The following DNASE1L2 variants were observed in gnomAD, a reference collection of about 807,000 sequenced individuals.
The protein encoded by DNASE1L2 is deoxyribonuclease-1-like 2.
A neutral mutation model predicts 31.8 loss-of-function variants in DNASE1L2; 35 were observed. That is an observed-to-expected ratio of 1.10 (90% CI 0.84 to 1.46). The LOEUF is 1.46. Among genes scored for constraint, DNASE1L2 ranks in the 40% most tolerant of loss-of-function variants. DNASE1L2 has a pLI of 0.00. For missense variants in DNASE1L2, 504 were observed against 418.8 expected (o/e 1.20, Z -1.77); for synonymous variants, 211 against 186.5 (o/e 1.13, Z -1.07).
At position 2,236,868 on chromosome 16, in the gene DNASE1L2, G is replaced by C; in HGVS notation, c.52G>C (p.Gly18Arg). The C allele has an allele frequency of 3.1e-6, 5 of 1,598,272 alleles. No individual in the cohort carries two copies. Among genetic ancestry groups the C allele is most frequent in the South Asian group, 1.1e-5 (1 of 89,120 alleles). The stretch of plus-strand genomic sequence containing the variant: ...CGCACTCTGGGCGCTGGAAGCCGCC[G>C]GGACCGCCGCGCTTCGCATCGGAGC... ...LAALWALEAA[G>R]TAALRIGAFN... The change falls in exon 2 of 7, where the codon GGG (glycine) becomes CGG (arginine). Residue 18 changes from glycine to arginine, a missense_variant. By Grantham distance (125) the Gly-to-Arg change is moderately radical (BLOSUM62 -2). Transcript: ENST00000320700.
rs200934792 is a variant in DNASE1L2, at chr16:2,237,264, C to T, written c.280C>T (p.Arg94Trp). Residue 94 changes from arginine to tryptophan, a missense_variant, in exon 4 of 7, where the codon CGG becomes TGG. Physicochemically the swap from Arg to Trp is moderately radical, Grantham distance 101 (BLOSUM62 -3). Coordinates refer to ENST00000320700, the MANE Select transcript of DNASE1L2 (RefSeq NM_001374.3). ...YSFVSSQPLG[R>W]DQYKEMYLFV... ...CTTTGTGAGCAGCCAGCCCCTGGGCCGGGACCAGTACAAGGAGATGTACCT... is the reference window on the plus strand; with the variant it reads ...CTTTGTGAGCAGCCAGCCCCTGGGCTGGGACCAGTACAAGGAGATGTACCT... The T allele has an allele frequency of 1.6e-3, 2,578 of 1,588,632 alleles. 4 individuals are homozygous for T. Among genetic ancestry groups the T allele is most frequent in the Non-Finnish European group, 2.0e-3 (2,359 of 1,168,600 alleles).
In DNASE1L2 at chr16:2,237,514, G is replaced by A; in HGVS notation, c.456G>A (p.Leu152=). Residue 152 remains leucine (L), a synonymous_variant, in exon 5 of 7, where the codon CTG becomes CTA. Transcript: ENST00000320700. ...CGCCCCTCCCCTCCCGCCGAGCTCT[G>A]ACGCCCCCACCCCTTCCCGCAGCAG... is the stretch of plus-strand genomic sequence containing the variant. ...RAPPLPSRRA[L]TPPPLPAAAQ... is the part of the protein sequence containing the mutation. The A allele has an allele frequency of 6.6e-7, 1 of 1,525,434 alleles. No individual in the cohort carries two copies. Among genetic ancestry groups the A allele is most frequent in the Non-Finnish European group, 8.9e-7 (1 of 1,126,860 alleles). The allele number at this position is 1,525,434 out of a possible 1,614,324, so 94.5% of individuals were successfully genotyped here.
intron 4 of DNASE1L2, 27 bp from the exon 5 acceptor site, chr16:2,237,349 G>C: frequency 6.3e-7 from 1 of 1,597,344 alleles, no homozygotes; most frequent in Non-Finnish European, 8.5e-7. Flanking sequence ...CAGGTCGGGG[G>C]CTCAGCGGGT....
Position 2,237,697 on chromosome 16 carries a change from G to T in DNASE1L2, c.591+48G>T, listed in dbSNP as rs754038870. Reference sequence around the variant, plus strand: ...GGGTCCCTGCAGGCGCGCCCCGGGGGTCTGGTTCATGAGGGCGGGACCTCG... The same window carrying T: ...GGGTCCCTGCAGGCGCGCCCCGGGGTTCTGGTTCATGAGGGCGGGACCTCG... On this transcript the variant is annotated intron_variant, in intron 5 of 6. Transcript: ENST00000320700. The T allele has an allele frequency of 3.8e-6, 6 of 1,590,812 alleles. No individual in the cohort carries two copies. In the African/African-American group the frequency reaches 4.0e-5, roughly 11 times the overall value.
chr16:2,236,849 C>T lies in DNASE1L2; in HGVS notation c.33C>T (p.Leu11=), dbSNP rs2141485035. ...GGCCCCGGGCTCTGCTGGCCGCACT[C>T]TGGGCGCTGGAAGCCGCCGGGACCG... is the stretch of plus-strand genomic sequence containing the variant. The part of the protein sequence containing the change: MGGPRALLAA[L]WALEAAGTAA... Residue 11 remains leucine (L), a synonymous_variant, in exon 2 of 7, where the codon CTC becomes CTT. Transcript: ENST00000320700. 1.9e-6 allele frequency: 3 copies of T among 1,599,366 alleles called. No individual in the cohort carries two copies. The highest frequency in any genetic ancestry group is 1.7e-4 in the Middle Eastern group (1 of 5,906).
In DNASE1L2 at chr16:2,237,919, C is replaced by T; in HGVS notation, c.744C>T (p.Asp248=). Reference sequence around the variant, plus strand: ...TGGGCAACTCAGACTGCGCCTACGACCGCATTGTGGCCTGTGGCGCCCGCC... The same window carrying T: ...TGGGCAACTCAGACTGCGCCTACGATCGCATTGTGGCCTGTGGCGCCCGCC... ...TTVGNSDCAY[D]RIVACGARLR... Residue 248 remains aspartate, a synonymous_variant, in exon 6 of 7, where the codon GAC becomes GAT. Transcript: ENST00000320700. 6.2e-7 allele frequency: 1 copy of T among 1,611,712 alleles called. No homozygotes were observed. Among genetic ancestry groups the T allele is most frequent in the South Asian group, 1.1e-5 (1 of 90,990 alleles).
At position 2,237,951 on chromosome 16, in the gene DNASE1L2, G is replaced by A. The variant is rs1189018178; in HGVS notation, c.776G>A (p.Arg259Gln). Residue 259 changes from arginine (R) to glutamine (Q), a missense_variant, in exon 6 of 7, where the codon CGG becomes CAG. Coordinates refer to ENST00000320700, the MANE Select transcript of DNASE1L2 (RefSeq NM_001374.3). The part of the protein sequence containing the change: ...RIVACGARLR[R>Q]SLKPQSATVH... ...GTGGCCTGTGGCGCCCGCCTGCGCC[G>A]GAGCCTGAAGCCCCAGTCGGCCACC... 6 of 1,610,424 alleles carry A rather than the reference G, an allele frequency of 3.7e-6. No homozygotes were observed. The highest frequency in any genetic ancestry group is 1.1e-5 in the South Asian group (1 of 90,766).
chr16:2,237,803 AGCTAT>A lies in DNASE1L2; in HGVS notation c.630_634del (p.Tyr211AlafsTer14). 3.1e-6 allele frequency: 5 copies of A among 1,610,266 alleles called. No individual in the cohort carries two copies. Among genetic ancestry groups the A allele is most frequent in the Non-Finnish European group, 4.2e-6 (5 of 1,178,868 alleles). On this transcript the variant is annotated frameshift_variant, in exon 6 of 7. Coordinates refer to ENST00000320700, the MANE Select transcript of DNASE1L2 (RefSeq NM_001374.3). LOFTEE classifies it high-confidence loss of function. ...CCTGGGCGACTTCAACGCCGACTGC[AGCTAT>A]GTGCGGGCGCAGGACTGGGCCGCCA... is the stretch of plus-strand genomic sequence containing the variant.
At position 2,237,636 on chromosome 16, in the gene DNASE1L2, A is replaced by T. The variant is rs2093516295; in HGVS notation, c.578A>T (p.Lys193Met). The T allele has an allele frequency of 6.2e-7, 1 of 1,604,246 alleles. No individual in the cohort carries two copies. The highest frequency in any genetic ancestry group is 1.1e-5 in the South Asian group (1 of 90,480). ...LYDVYLDVID[K>M]WGTDDMLFLG... ...GACGTGTACCTGGACGTGATCGACA[A>T]GTGGGGCACCGACGTAAGCCCACCC... The change falls in exon 5 of 7, where the codon AAG (lysine) becomes ATG (methionine). Residue 193 changes from lysine (K) to methionine (M), a missense_variant. Transcript: ENST00000320700.
At chr16:2,238,292 G>T in intron 6 of DNASE1L2, 70 bp from the exon 7 acceptor site, 1 of 1,598,126 alleles carries the variant, frequency 6.3e-7, no homozygotes, top group Non-Finnish European at 8.6e-7. Flanking sequence ...GGGCACCCAG[G>T]CCTCACCGGC....
chr16:2,238,304 C>G, intron 6 of DNASE1L2, 58 bp from the exon 7 acceptor site: 2 of 1,607,140 alleles, frequency 1.2e-6, no homozygotes, highest in East Asian at 4.5e-5. Flanking sequence ...CTCACCGGCC[C>G]CTCCCATCCC....
At position 2,236,844 on chromosome 16, in the gene DNASE1L2, G is replaced by T; in HGVS notation, c.28G>T (p.Ala10Ser). 8 of 1,598,190 alleles carry T rather than the reference G, an allele frequency of 5.0e-6. No individual in the cohort carries two copies. Among genetic ancestry groups the T allele is most frequent in the Non-Finnish European group, 6.8e-6 (8 of 1,174,144 alleles). Residue 10 changes from alanine to serine, a missense_variant, in exon 2 of 7, where the codon GCA (alanine) becomes TCA (serine). By Grantham distance (99) the Ala-to-Ser change is moderately conservative (BLOSUM62 1). Coordinates refer to ENST00000320700, the MANE Select transcript of DNASE1L2 (RefSeq NM_001374.3). Reference sequence around the variant, plus strand: ...GGGCGGGCCCCGGGCTCTGCTGGCCGCACTCTGGGCGCTGGAAGCCGCCGG... The same window carrying T: ...GGGCGGGCCCCGGGCTCTGCTGGCCTCACTCTGGGCGCTGGAAGCCGCCGG... MGGPRALLAALWALEAAGTA... is the reference protein window; with the variant it reads MGGPRALLASLWALEAAGTA...
intron 1 of DNASE1L2, 91 bp from the exon 2 acceptor site, chr16:2,236,687 C>G (rs924272380): frequency 1.4e-6 from 2 of 1,424,814 alleles, no homozygotes; most frequent in East Asian, 2.6e-5. Flanking sequence ...GCCTGCAGAA[C>G]GCAGGGGCGG....
Position 2,237,291 on chromosome 16 carries a change from T to G in DNASE1L2, c.307T>G (p.Phe103Val), listed in dbSNP as rs1028675956. 1 of 1,588,944 alleles carries G rather than the reference T, an allele frequency of 6.3e-7. No individual in the cohort carries two copies. The highest frequency in any genetic ancestry group is 8.6e-7 in the Non-Finnish European group (1 of 1,168,800). ...GGACCAGTACAAGGAGATGTACCTGTTCGTGTACAGGTGAGGGGCGGGCCG... is the reference window on the plus strand; with the variant it reads ...GGACCAGTACAAGGAGATGTACCTGGTCGTGTACAGGTGAGGGGCGGGCCG... ...GRDQYKEMYL[F>V]VYRKDAVSVV... The change falls in exon 4 of 7, where the codon TTC becomes GTC. Residue 103 changes from phenylalanine to valine, a missense_variant. Phe to Val is a conservative substitution (Grantham distance 50). Transcript: ENST00000320700.
rs189957083 is a variant in DNASE1L2 at position 2,238,427 on chromosome 16, C to T, written c.*9C>T. Reference sequence around the variant, plus strand: ...TCAAGTTCCACCGATGACTCGAGGCCTGGCTGGGGCATGCCACCTGCAGAC... The same window carrying T: ...TCAAGTTCCACCGATGACTCGAGGCTTGGCTGGGGCATGCCACCTGCAGAC... On this transcript the variant is annotated 3_prime_UTR_variant, in exon 7 of 7. Coordinates refer to ENST00000320700, the MANE Select transcript of DNASE1L2 (RefSeq NM_001374.3). 9 of 1,613,354 alleles carry T rather than the reference C, an allele frequency of 5.6e-6. No homozygotes were observed. The Admixed American group carries it at 1.2e-4, about 21-fold the overall frequency.
At chr16:2,236,641 G>T in intron 1 of DNASE1L2, 81 bp downstream of exon 1, 1 of 1,366,322 alleles carries the variant, frequency 7.3e-7, no homozygotes, top group Non-Finnish European at 9.4e-7. Context: ...GCAGTGAGAA[G>T]GCAGCGGTCC....
At position 2,238,440 on chromosome 16, in the gene DNASE1L2, G is replaced by A; in HGVS notation, c.*22G>A. 6.2e-7 allele frequency: 1 copy of A among 1,613,098 alleles called. No individual in the cohort carries two copies. The highest frequency in any genetic ancestry group is 1.3e-5 in the African/African-American group (1 of 75,056). ...ATGACTCGAGGCCTGGCTGGGGCAT[G>A]CCACCTGCAGACCCTGGCTCTGAGG... On this transcript the variant is annotated 3_prime_UTR_variant, in exon 7 of 7. Transcript: ENST00000320700.
chr16:2,238,675 T>A lies in DNASE1L2; in HGVS notation c.*257T>A. On this transcript the variant is annotated 3_prime_UTR_variant, in exon 7 of 7. Coordinates refer to ENST00000320700, the MANE Select transcript of DNASE1L2 (RefSeq NM_001374.3). Reference sequence around the variant, plus strand: ...CAGGGGGCACTGCCCGGCAGATGTCTGCTCAATAAATGAGCTGCTCCCGGT... The same window carrying A: ...CAGGGGGCACTGCCCGGCAGATGTCAGCTCAATAAATGAGCTGCTCCCGGT... The A allele has an allele frequency of 3.6e-6, 2 of 550,332 alleles. No homozygotes were observed. The highest frequency in any genetic ancestry group is 4.3e-5 in the South Asian group (2 of 46,820). 34.1% of individuals were successfully genotyped at this position (550,332 alleles called of 1,614,324 possible). A position where few individuals can be genotyped will look rare whatever the true frequency, so the allele number is the denominator to read the frequency against.
chr16:2,236,693 G>A (rs1299744418), intron 1 of DNASE1L2, 85 bp from the exon 2 acceptor site: 2 of 1,426,616 alleles, frequency 1.4e-6, no homozygotes, highest in Admixed American at 2.9e-5. Flanking sequence ...AGAACGCAGG[G>A]GCGGATTCCG....
Sources: gnomAD v4.1 joint callset for allele counts on GRCh38, gnomAD v4.1.1 for gene constraint, MANE v1.5 for transcripts, NCBI Gene and HGNC (gene_info 2026-07-23, HGNC 2026-07-21) for gene names.